REV3L: variants seen among roughly 807,000 people sequenced by gnomAD.
The protein encoded by REV3L is DNA polymerase zeta catalytic subunit.
A neutral mutation model predicts 299.4 loss-of-function variants in REV3L; 69 were observed. That is an observed-to-expected ratio of 0.23 (90% confidence interval 0.19 to 0.28). REV3L has a LOEUF of 0.28. REV3L is among the 10% of genes least tolerant of loss of function. REV3L has a pLI of 1.00. For synonymous variants in REV3L, 1,238 were observed against 1,271.4 expected (o/e 0.97, Z 0.56); for missense variants, 3,128 against 3,693.8 (o/e 0.85, Z 3.97).
At chr6:111,404,389 A>G (rs909092150) in intron 4 of REV3L, among the ~76,000 whole-genome samples, 1 of 152,360 alleles carries the variant, frequency 6.6e-6, no homozygotes, top group African/African-American at 2.4e-5. Flanking sequence ...GGTCTGATGG[A>G]GATGTACAAG....
intron 18 of REV3L, among the ~76,000 whole-genome samples, chr6:111,356,018 A>G (rs17511111): frequency 0.018 from 2,712 of 152,266 alleles, 41 homozygotes; most frequent in Non-Finnish European, 0.029. Context: ...TTGGTTTTCT[A>G]ATTCTCAGAA....
In REV3L at chr6:111,315,361, C is replaced by G. The variant is rs1773401345; in HGVS notation, c.8372G>C (p.Gly2791Ala). ...CTTAAAAGACTGCTCCTTAGTGGCTCCTTTCAGTAGCACAAACATACTAAG... is the reference window on the plus strand; with the variant it reads ...CTTAAAAGACTGCTCCTTAGTGGCTGCTTTCAGTAGCACAAACATACTAAG... The part of the protein sequence containing the change: ...DTDSMFVLLK[G>A]ATKEQSFKIG... Residue 2791 changes from glycine (G) to alanine (A), a missense_variant, in exon 27 of 32, where the codon GGA becomes GCA. Transcript: ENST00000368802. 6.2e-7 allele frequency: 1 copy of G among 1,613,632 alleles called. No homozygotes were observed. Among genetic ancestry groups the G allele is most frequent in the South Asian group, 1.1e-5 (1 of 91,064 alleles).
chr6:111,449,356 T>C (rs1023071020), intron 1 of REV3L, among the ~76,000 whole-genome samples: 2 of 152,004 alleles, frequency 1.3e-5, no homozygotes, highest in Admixed American at 6.6e-5. Flanking sequence ...TTGAAGGCCA[T>C]GCTTGTTAGA....
intron 21 of REV3L, among the ~76,000 whole-genome samples, chr6:111,338,525 A>G (rs1254767356): frequency 6.6e-6 from 1 of 150,922 alleles, no homozygotes; most frequent in Non-Finnish European, 1.5e-5. Context: ...AAAAGTATAT[A>G]ATATAGTTAA....
intron 26 of REV3L, among the ~76,000 whole-genome samples, chr6:111,317,122 C>G (rs1438286965): frequency 6.6e-6 from 1 of 152,000 alleles, no homozygotes; most frequent in Non-Finnish European, 1.5e-5. Context: ...TGAAACATGA[C>G]TTTAAGATTC....
At chr6:111,334,944 A>G (rs1221126006) in intron 22 of REV3L, among the ~76,000 whole-genome samples, 1 of 152,136 alleles carries the variant, frequency 6.6e-6, no homozygotes, top group Non-Finnish European at 1.5e-5. Context: ...TCAAATACAT[A>G]TTTGTTGAAT....
In REV3L at chr6:111,373,885, T is replaced by C. The variant is rs1332653475; in HGVS notation, c.4470A>G (p.Arg1490=). 1 of 1,613,852 alleles carries C rather than the reference T, an allele frequency of 6.2e-7. No individual in the cohort carries two copies. Among genetic ancestry groups the C allele is most frequent in the East Asian group, 2.2e-5 (1 of 44,892 alleles). The change falls in exon 13 of 32, where the codon AGA becomes AGG. Residue 1490 remains arginine, a synonymous_variant. Transcript: ENST00000368802. ...CTTCTGATAACGACCTCGGTTTTAC[T>C]CTTTCAGGTTTAAAATTTGACATAT... ...ILDMSNFKPE[R]VKPRSLSEAI...
At position 111,315,369 on chromosome 6, in the gene REV3L, T is replaced by C; in HGVS notation, c.8364A>G (p.Leu2788=). 1.9e-6 allele frequency: 3 copies of C among 1,613,596 alleles called. No homozygotes were observed. The highest frequency in any genetic ancestry group is 2.5e-6 in the Non-Finnish European group (3 of 1,179,606). The change falls in exon 27 of 32, where the codon CTA becomes CTG. Residue 2788 remains leucine (L), a synonymous_variant. Transcript: ENST00000368802. ...VYGDTDSMFV[L]LKGATKEQSF... ...ACTGCTCCTTAGTGGCTCCTTTCAG[T>C]AGCACAAACATACTAAGGGGATTAA...
chr6:111,449,545 T>A (rs893464841), intron 1 of REV3L, among the ~76,000 whole-genome samples: 1 of 152,180 alleles, frequency 6.6e-6, no homozygotes, highest in African/African-American at 2.4e-5. Context: ...GCTCACACAG[T>A]AGCAGGAATA....
chr6:111,430,172 C>T lies in REV3L; in HGVS notation c.140-13700G>A, dbSNP rs1257128980. 22 of 791,406 alleles carry T rather than the reference C, an allele frequency of 2.8e-5. 1 individual carries two copies. The highest frequency in any genetic ancestry group is 3.4e-5 in the Admixed American group (2 of 58,554). The allele number at this position is 791,406 out of a possible 1,614,324, so 49.0% of individuals were successfully genotyped here. On this transcript the variant is annotated intron_variant, in intron 1 of 31. Coordinates refer to ENST00000368802, the MANE Select transcript of REV3L (RefSeq NM_001372078.1). ...ACGCCCCTGTGGGATTAGACTTGCC[C>T]GGTGAGAAGCCTCTCACAAGCACTT...
chr6:111,384,383 T>C (rs1019864225), intron 9 of REV3L, among the ~76,000 whole-genome samples: 1 of 151,986 alleles, frequency 6.6e-6, no homozygotes, highest in Admixed American at 6.6e-5. Flanking sequence ...ATAACCAAAA[T>C]ATATATAACT....
intron 5 of REV3L, among the ~76,000 whole-genome samples, chr6:111,391,742 T>C (rs1462004454): frequency 6.6e-6 from 1 of 152,274 alleles, no homozygotes; most frequent in Middle Eastern, 3.4e-3. Flanking sequence ...AAAAATTTTT[T>C]TAAATTAGCC....
At chr6:111,449,859 G>A (rs1789292476) in intron 1 of REV3L, among the ~76,000 whole-genome samples, 1 of 149,342 alleles carries the variant, frequency 6.7e-6, no homozygotes, top group African/African-American at 2.4e-5. Flanking sequence ...GACCCATTAT[G>A]AGGAAAAAAA....
rs527340153 is a variant in REV3L, at chr6:111,346,081, A to G, written c.7420-2038T>C. ...AGAACTTCCACAGATTCTCACTGCCATATCTCTACCTACCAACATCCATAC... is the reference window on the plus strand; with the variant it reads ...AGAACTTCCACAGATTCTCACTGCCGTATCTCTACCTACCAACATCCATAC... On this transcript the variant is annotated intron_variant, in intron 20 of 31. Coordinates refer to ENST00000368802, the MANE Select transcript of REV3L (RefSeq NM_001372078.1). Among the ~76,000 whole-genome samples, 52 of 152,312 alleles carry G rather than the reference A, an allele frequency of 3.4e-4. No homozygotes were observed. The East Asian group carries it at 9.1e-3, about 27-fold the overall frequency.
chr6:111,380,139 T>C lies in REV3L; in HGVS notation c.1297A>G (p.Met433Val). 6.2e-7 allele frequency: 1 copy of C among 1,614,112 alleles called. No individual in the cohort carries two copies. Among genetic ancestry groups the C allele is most frequent in the South Asian group, 1.1e-5 (1 of 91,076 alleles). ...CCAAAGGAGCGACATGGTGATGGCA[T>C]CCTATTTCTTTCCCCCCGATATCCA... ...SDGYRGERNR[M>V]PSPCRSFGNN... is the part of the protein sequence containing the mutation. Residue 433 changes from methionine to valine, a missense_variant, in exon 11 of 32, where the codon ATG (methionine) becomes GTG (valine). This residue lies in a region of REV3L where 2,409 missense variants were observed against 2,611.8 expected (regional missense o/e 0.92). Transcript: ENST00000368802.
chr6:111,335,530 G>A lies in REV3L; in HGVS notation c.7619C>T (p.Thr2540Ile). The A allele has an allele frequency of 6.2e-7, 1 of 1,613,526 alleles. No individual in the cohort carries two copies. Among genetic ancestry groups the A allele is most frequent in the Non-Finnish European group, 8.5e-7 (1 of 1,179,656 alleles). ...GCCAAAAAGTCTAGCCATCTCACTG[G>A]TTTTCCCAATCAGGTCCAGCTGTTC... ...MLEQLDLIGK[T>I]SEMARLFGIQ... The change falls in exon 22 of 32, where the codon ACC becomes ATC. Residue 2540 changes from threonine to isoleucine, a missense_variant. Physicochemically the swap from Thr to Ile is moderately conservative, Grantham distance 89. Transcript: ENST00000368802.
At chr6:111,409,123 A>C (rs1332836698) in intron 3 of REV3L, among the ~76,000 whole-genome samples, 1 of 152,250 alleles carries the variant, frequency 6.6e-6, no homozygotes, top group Non-Finnish European at 1.5e-5. Flanking sequence ...TTTACAGAAG[A>C]TAGCTGGATT....
At chr6:111,325,505 T>C (rs186049178) in intron 25 of REV3L, among the ~76,000 whole-genome samples, 1 of 152,346 alleles carries the variant, frequency 6.6e-6, no homozygotes, top group Non-Finnish European at 1.5e-5. Flanking sequence ...ATTCTCCATA[T>C]TCTCCTTATA....
chr6:111,377,024 T>C (rs1780382725), intron 12 of REV3L, among the ~76,000 whole-genome samples: 1 of 152,172 alleles, frequency 6.6e-6, no homozygotes, highest in Non-Finnish European at 1.5e-5. Context: ...AAGGGAAAAA[T>C]ACTGTCACTT....
Sources: allele counts gnomAD v4.1 joint callset (sites outside exome capture counted in the v4.1 genomes callset), GRCh38; gene constraint gnomAD v4.1.1; regional missense constraint gnomAD v4.1.1; transcripts MANE v1.5; gene names NCBI Gene and HGNC (gene_info 2026-07-23, HGNC 2026-07-21).